SSBP2: variants seen among roughly 807,000 people sequenced by gnomAD.
SSBP2 encodes the protein single-stranded DNA-binding protein 2.
Under a neutral mutation model 61.8 loss-of-function variants are expected in SSBP2, and 17 were observed. That is an observed-to-expected ratio of 0.28 (90% confidence interval 0.19 to 0.41). The LOEUF (loss-of-function observed/expected upper bound fraction) is 0.41, where lower values mean the gene tolerates loss of function less well. Among genes scored for constraint, SSBP2 ranks in the 10% least tolerant of loss-of-function variants. SSBP2 has a pLI of 1.00. For synonymous variants in SSBP2, 139 were observed against 141.3 expected, an observed-to-expected ratio of 0.98 and a Z score of 0.12; for missense variants, 310 against 458.7, an observed-to-expected ratio of 0.68 and a Z score of 2.96.
Position 81,477,233 on chromosome 5 carries a change from G to A in SSBP2, c.433-2671C>T, listed in dbSNP as rs183577334. 2.9e-3 allele frequency among the ~76,000 whole-genome samples: 436 copies of A among 152,138 alleles called. 1 individual carries two copies. Among genetic ancestry groups the A allele is most frequent in the African/African-American group, 9.0e-3 (375 of 41,498 alleles). The stretch of plus-strand genomic sequence containing the variant: ...TGTTACTTGGGTGCATCATTTTTAG[G>A]CTCTCTCAGTAAACACCAAGCTTGA... On this transcript the variant is annotated intron_variant, in intron 6 of 16. Transcript: ENST00000320672.
intron 1 of SSBP2, among the ~76,000 whole-genome samples, chr5:81,725,975 CAG>C (rs1210655450): frequency 5.3e-5 from 8 of 151,962 alleles, no homozygotes; most frequent in African/African-American, 1.7e-4. Context: ...AAAAAAGAAA[CAG>C]AAGATCTTTA....
At chr5:81,567,527 A>G (rs1773515262) in intron 4 of SSBP2, among the ~76,000 whole-genome samples, 1 of 152,232 alleles carries the variant, frequency 6.6e-6, no homozygotes, top group Non-Finnish European at 1.5e-5. Context: ...AACCTCTGCT[A>G]GGGCACAGCA....
chr5:81,711,875 G>C (rs1048765965), intron 1 of SSBP2, among the ~76,000 whole-genome samples: 4 of 151,552 alleles, frequency 2.6e-5, no homozygotes, highest in Admixed American at 1.3e-4. Context: ...TCTGTGCCTC[G>C]GTTTCCTCAC....
At chr5:81,708,207 G>C (rs1754530104) in intron 1 of SSBP2, among the ~76,000 whole-genome samples, 1 of 151,994 alleles carries the variant, frequency 6.6e-6, no homozygotes, top group Non-Finnish European at 1.5e-5. Context: ...TCAAAGACAG[G>C]GTCTCTGCCT....
At chr5:81,728,452 G>C (rs781124847) in intron 1 of SSBP2, among the ~76,000 whole-genome samples, 12 of 152,042 alleles carry the variant, frequency 7.9e-5, no homozygotes, top group Non-Finnish European at 1.5e-4. Flanking sequence ...GAAAACATTG[G>C]TATAGAGAAC....
intron 15 of SSBP2, among the ~76,000 whole-genome samples, chr5:81,433,291 T>C (rs1304194492): frequency 1.3e-5 from 2 of 152,120 alleles, no homozygotes; most frequent in Admixed American, 6.5e-5. Context: ...TGGGATCCTG[T>C]TGATCTATGA....
chr5:81,490,339 A>T (rs1400662918), intron 5 of SSBP2, among the ~76,000 whole-genome samples: 1 of 152,044 alleles, frequency 6.6e-6, no homozygotes, highest in African/African-American at 2.4e-5. Context: ...TAAATTATTT[A>T]AAATTTGATT....
chr5:81,737,954 C>T (rs1756736772), intron 1 of SSBP2, among the ~76,000 whole-genome samples: 1 of 152,130 alleles, frequency 6.6e-6, no homozygotes, highest in Non-Finnish European at 1.5e-5. Context: ...TTTTCAATCT[C>T]AATTTCAAAC....
chr5:81,477,452 A>C (rs1765667281), intron 6 of SSBP2, among the ~76,000 whole-genome samples: 1 of 152,034 alleles, frequency 6.6e-6, no homozygotes, highest in Non-Finnish European at 1.5e-5. Flanking sequence ...GTTTGTAAGT[A>C]TTTTCCTCTT....
chr5:81,623,103 C>T (rs1402449293), intron 3 of SSBP2, among the ~76,000 whole-genome samples: 1 of 152,084 alleles, frequency 6.6e-6, no homozygotes, highest in Non-Finnish European at 1.5e-5. Flanking sequence ...TTATGCATTA[C>T]AGTGTATTGC....
chr5:81,444,379 T>C (rs1763235558), intron 12 of SSBP2, among the ~76,000 whole-genome samples: 1 of 152,196 alleles, frequency 6.6e-6, no homozygotes, highest in African/African-American at 2.4e-5. Flanking sequence ...CGAAGGGCTA[T>C]CTCAAATGTT....
chr5:81,602,837 C>T (rs908993717), intron 4 of SSBP2, among the ~76,000 whole-genome samples: 1 of 151,986 alleles, frequency 6.6e-6, no homozygotes, highest in East Asian at 1.9e-4. Flanking sequence ...TCCATGTTAC[C>T]CTGGGTGATG....
chr5:81,646,203 A>C (rs1177127936), intron 2 of SSBP2, among the ~76,000 whole-genome samples: 1 of 152,204 alleles, frequency 6.6e-6, no homozygotes, highest in Non-Finnish European at 1.5e-5. Flanking sequence ...CCTGATTCAG[A>C]AGAGCTCATT....
At chr5:81,459,472 A>C (rs1764392956) in intron 10 of SSBP2, among the ~76,000 whole-genome samples, 1 of 152,138 alleles carries the variant, frequency 6.6e-6, no homozygotes, top group Admixed American at 6.5e-5. Flanking sequence ...CAATGGCAGT[A>C]AAGGGATGAC....
chr5:81,519,537 T>C (rs1289921747), intron 4 of SSBP2, among the ~76,000 whole-genome samples: 1 of 152,178 alleles, frequency 6.6e-6, no homozygotes, highest in East Asian at 1.9e-4. Flanking sequence ...TGATGGAATA[T>C]GAGCAGAAGA....
At chr5:81,583,554 C>T (rs917538878) in intron 4 of SSBP2, among the ~76,000 whole-genome samples, 1 of 148,880 alleles carries the variant, frequency 6.7e-6, no homozygotes, top group African/African-American at 2.5e-5. Flanking sequence ...GGCATGAACC[C>T]GGGAGGCAGA....
At chr5:81,536,206 C>T (rs183664219) in intron 4 of SSBP2, among the ~76,000 whole-genome samples, 104 of 152,074 alleles carry the variant, frequency 6.8e-4, no homozygotes, top group African/African-American at 2.5e-3. Flanking sequence ...TTAGAATGGC[C>T]AATATGTAGA....
At chr5:81,682,673 C>A (rs1752486392) in intron 1 of SSBP2, among the ~76,000 whole-genome samples, 1 of 151,946 alleles carries the variant, frequency 6.6e-6, no homozygotes. Flanking sequence ...TCACCTGACA[C>A]AATAAAACAC....
intron 1 of SSBP2, among the ~76,000 whole-genome samples, chr5:81,682,954 A>G (rs1187241896): frequency 1.3e-5 from 2 of 152,080 alleles, no homozygotes; most frequent in African/African-American, 4.8e-5. Flanking sequence ...TAAATCTAAC[A>G]AAATATGTAC....
Sources: allele counts gnomAD v4.1 joint callset (sites outside exome capture counted in the v4.1 genomes callset), GRCh38; gene constraint gnomAD v4.1.1; transcripts MANE v1.5; gene names NCBI Gene and HGNC (gene_info 2026-07-23, HGNC 2026-07-21).